The following HYOU1 variants were observed in gnomAD, a reference collection of about 807,000 sequenced individuals.
The protein encoded by HYOU1 is hypoxia up-regulated protein 1.
In HYOU1, 40 loss-of-function variants were observed where a neutral mutation model predicts 120.5. That is an observed-to-expected ratio of 0.33 (90% CI 0.26 to 0.43). HYOU1 has a LOEUF of 0.43. Ranked by LOEUF, HYOU1 falls within the 20% of genes least tolerant of loss-of-function variation. HYOU1 has a pLI of 1.00. For missense variants in HYOU1, 1,085 were observed against 1,278.3 expected, an observed-to-expected ratio of 0.85 and a Z score of 2.31; for synonymous variants, 501 against 479.4, an observed-to-expected ratio of 1.05 and a Z score of -0.59.
rs923127159 is a variant in HYOU1 at position 119,045,438 on chromosome 11, C to T, written c.*155G>A. 3.9e-6 allele frequency: 3 copies of T among 761,246 alleles called. No individual in the cohort carries two copies. The highest frequency in any genetic ancestry group is 1.7e-5 in the African/African-American group (1 of 58,996). The allele number at this position is 761,246 out of a possible 1,614,324, so 47.2% of individuals were successfully genotyped here. ...ACTGCAGAAGGAACCAGTGAGCTGT[C>T]CCTCCCTTCCCCTTCTCCACACCTC... On this transcript the variant is annotated 3_prime_UTR_variant, in exon 26 of 26. Coordinates refer to ENST00000617285, the MANE Select transcript of HYOU1 (RefSeq NM_006389.5).
Position 119,048,464 on chromosome 11 carries a change from C to T in HYOU1, c.2253+12G>A, listed in dbSNP as rs201071396. 3.5e-5 allele frequency: 56 copies of T among 1,613,784 alleles called. No homozygotes were observed. In the Admixed American group the frequency reaches 9.2e-4, roughly 26 times the overall value. On this transcript the variant is annotated intron_variant, in intron 19 of 25. Coordinates refer to ENST00000617285, the MANE Select transcript of HYOU1 (RefSeq NM_006389.5). The surrounding 1 kb of genome is among the most constrained non-coding windows in gnomAD (Gnocchi z 4.7). The stretch of plus-strand genomic sequence containing the variant: ...AGCCCAGTGGGGGGGCTGCTGCCTC[C>T]TGCCCACTGACCTGGGTCTCAAATA...
intron 8 of HYOU1, 57 bp downstream of exon 8, chr11:119,054,064 G>A (rs1162512457): frequency 9.1e-7 from 1 of 1,096,686 alleles, no homozygotes; most frequent in South Asian, 1.3e-5. Context: ...CCTCCAAGAA[G>A]AAACCCCTGA....
At chr11:119,046,937 G>T in intron 22 of HYOU1, 135 bp from the exon 23 acceptor site, 1 of 1,148,386 alleles carries the variant, frequency 8.7e-7, no homozygotes, top group Non-Finnish European at 1.2e-6. Context: ...TCAGCCCCAA[G>T]AGGCTAACAG....
At position 119,049,869 on chromosome 11, in the gene HYOU1, A is replaced by G. The variant is rs1253017526; in HGVS notation, c.1666-32T>C. On this transcript the variant is annotated intron_variant, in intron 14 of 25. Transcript: ENST00000617285. ...ACAGGTTCAAAATGAAAAAATACAC[A>G]GGCTAATCCACCTTTTCTCCACAAA... is the stretch of plus-strand genomic sequence containing the variant. 5 of 1,593,004 alleles carry G rather than the reference A, an allele frequency of 3.1e-6. No homozygotes were observed. The East Asian group carries it at 1.1e-4, about 36-fold the overall frequency.
At position 119,049,963 on chromosome 11, in the gene HYOU1, T is replaced by C. The variant is rs953992680; in HGVS notation, c.1666-126A>G. 6 of 853,934 alleles carry C rather than the reference T, an allele frequency of 7.0e-6. No homozygotes were observed. In the African/African-American group the frequency reaches 9.9e-5, roughly 14 times the overall value. 52.9% of individuals were successfully genotyped at this position (853,934 alleles called of 1,614,324 possible). ...CACAGGCCTAGTCTCTCACCTGCCT[T>C]TTCTAAGGACTTGGAGGTGGCTGCC... On this transcript the variant is annotated intron_variant, in intron 14 of 25. Transcript: ENST00000617285.
rs2133586762 is a variant in HYOU1, at chr11:119,051,647, G to A, written c.1339-22C>T. 5.0e-6 allele frequency: 8 copies of A among 1,613,032 alleles called. No individual in the cohort carries two copies. The Admixed American group carries it at 6.7e-5, about 13-fold the overall frequency. The stretch of plus-strand genomic sequence containing the variant: ...CCACCTACACAGCAGGCAGACAGAG[G>A]CACACTGTTGCACACTAGAGAACCC... On this transcript the variant is annotated intron_variant, in intron 12 of 25. Transcript: ENST00000617285. This position sits in a 1 kb window ranked among gnomAD's most constrained non-coding sequence, Gnocchi z 4.2.
At chr11:119,053,088 T>C (rs2133597596) in intron 8 of HYOU1, 90 of 417,668 alleles carry the variant, frequency 2.2e-4, no homozygotes, top group South Asian at 4.3e-4. Flanking sequence ...GGAATACAAA[T>C]GTGGCGGTGG....
intron 15 of HYOU1, 42 bp downstream of exon 15, chr11:119,049,735 C>A: frequency 6.2e-7 from 1 of 1,610,304 alleles, no homozygotes; most frequent in Non-Finnish European, 8.5e-7. Context: ...AACCTTCACA[C>A]AAGTATATTC....
rs782507932 is a variant in HYOU1 at position 119,045,151 on chromosome 11, C to A, written c.*442G>T. On this transcript the variant is annotated 3_prime_UTR_variant, in exon 26 of 26. Transcript: ENST00000617285. ...CCTGGTAACTGAGGCTCTGCAGACACTGGCCTGAAAGGATGCTCATCGCAT... is the reference window on the plus strand; with the variant it reads ...CCTGGTAACTGAGGCTCTGCAGACAATGGCCTGAAAGGATGCTCATCGCAT... The A allele has an allele frequency of 4.4e-6, 2 of 457,836 alleles. No homozygotes were observed. Among genetic ancestry groups the A allele is most frequent in the South Asian group, 3.1e-5 (2 of 64,552 alleles). 28.4% of individuals were successfully genotyped at this position (457,836 alleles called of 1,614,324 possible).
rs1377532141 is a variant in HYOU1 at position 119,056,535 on chromosome 11, C to T, written c.-7-368G>A. The T allele has an allele frequency of 1.8e-5, 7 of 378,516 alleles. No homozygotes were observed. In the East Asian group the frequency reaches 4.9e-4, roughly 26 times the overall value. The allele number at this position is 378,516 out of a possible 1,614,324, so 23.4% of individuals were successfully genotyped here. A position where few individuals can be genotyped will look rare whatever the true frequency, so the allele number is the denominator to read the frequency against. ...CTGGGGTGCGGCCAGGGATCCCCGC[C>T]CAGGGCTCAACCACCTCCCCACACC... On this transcript the variant is annotated intron_variant, in intron 1 of 25. Coordinates refer to ENST00000617285, the MANE Select transcript of HYOU1 (RefSeq NM_006389.5).
Position 119,044,759 on chromosome 11 carries a change from G to A in HYOU1, c.*834C>T, listed in dbSNP as rs907741063. ...AGAGAGGAGGAGGCAGGGAGTTACA[G>A]GAACCTGGGGTACCAGGCTGCTGGG... On this transcript the variant is annotated 3_prime_UTR_variant, in exon 26 of 26. Coordinates refer to ENST00000617285, the MANE Select transcript of HYOU1 (RefSeq NM_006389.5). 2.5e-5 allele frequency: 5 copies of A among 200,816 alleles called. No homozygotes were observed. Among genetic ancestry groups the A allele is most frequent in the African/African-American group, 6.8e-5 (3 of 43,876 alleles). 12.4% of individuals were successfully genotyped at this position (200,816 alleles called of 1,614,324 possible).
chr11:119,054,001 C>G, intron 8 of HYOU1, 120 bp downstream of exon 8: 1 of 644,334 alleles, frequency 1.6e-6, no homozygotes, highest in Non-Finnish European at 2.8e-6. Flanking sequence ...ATGACTGATG[C>G]CTCAATCAGG....
rs2133613936 is a variant in HYOU1, at chr11:119,055,520, T to C, written c.237A>G (p.Arg79=). Residue 79 remains arginine (R), a synonymous_variant, in exon 4 of 26, where the codon AGA becomes AGG. Transcript: ENST00000617285. The surrounding 1 kb of genome is among the most constrained non-coding windows in gnomAD (Gnocchi z 4.0). ...PVIVTLKENE[R]FFGDSAASMA... is the part of the protein sequence containing the mutation. ...TGCTTGCTGCACTGTCTCCAAAGAA[T>C]CTTTCATTTTCTTTCAGGGTCACGA... is the stretch of plus-strand genomic sequence containing the variant. 62 of 1,614,042 alleles carry C rather than the reference T, an allele frequency of 3.8e-5. No homozygotes were observed. The South Asian group carries it at 5.4e-4, about 14-fold the overall frequency.
chr11:119,047,854 G>GA (rs2133558955), intron 21 of HYOU1, 36 bp from the exon 22 acceptor site: 1 of 1,612,334 alleles, frequency 6.2e-7, no homozygotes, highest in South Asian at 1.1e-5. Flanking sequence ...GCCCCAGAGG[G>GA]AGAGGGGCCT....
chr11:119,054,394 G>T, intron 7 of HYOU1, 100 bp downstream of exon 7: 1 of 1,349,830 alleles, frequency 7.4e-7, no homozygotes, highest in Non-Finnish European at 1.0e-6. Context: ...TTTTGCCAAG[G>T]GTCAGCCCAG....
rs2133589392 is a variant in HYOU1 at position 119,051,982 on chromosome 11, A to G, written c.1206-31T>C. 1 of 1,613,470 alleles carries G rather than the reference A, an allele frequency of 6.2e-7. No individual in the cohort carries two copies. The highest frequency in any genetic ancestry group is 2.2e-5 in the East Asian group (1 of 44,846). ...AAAGCCCCAAGCCTCAGCACGGTCTACCCTGGAGCATGCAACCGGGACTTC... is the reference window on the plus strand; with the variant it reads ...AAAGCCCCAAGCCTCAGCACGGTCTGCCCTGGAGCATGCAACCGGGACTTC... On this transcript the variant is annotated intron_variant, in intron 11 of 25. Coordinates refer to ENST00000617285, the MANE Select transcript of HYOU1 (RefSeq NM_006389.5). The surrounding 1 kb of genome is among the most constrained non-coding windows in gnomAD (Gnocchi z 4.2).
At position 119,052,391 on chromosome 11, in the gene HYOU1, T is replaced by C. The variant is rs1944494693; in HGVS notation, c.1026A>G (p.Lys342=). ...ACTCCTCAAATTCCACACGAGTCACTTTTGCCTTGAAGTCCACATCATCCA... is the reference window on the plus strand; with the variant it reads ...ACTCCTCAAATTCCACACGAGTCACCTTTGCCTTGAAGTCCACATCATCCA... The part of the protein sequence containing the change: ...GLMDDVDFKA[K]VTRVEFEELC... Residue 342 remains lysine, a synonymous_variant, in exon 10 of 26, where the codon AAA becomes AAG. Coordinates refer to ENST00000617285, the MANE Select transcript of HYOU1 (RefSeq NM_006389.5). This position sits in a 1 kb window ranked among gnomAD's most constrained non-coding sequence, Gnocchi z 5.0. The C allele has an allele frequency of 1.9e-6, 3 of 1,614,036 alleles. No homozygotes were observed. Among genetic ancestry groups the C allele is most frequent in the Non-Finnish European group, 2.5e-6 (3 of 1,180,032 alleles).
intron 14 of HYOU1, among the ~76,000 whole-genome samples, chr11:119,050,154 G>A (rs1440654915): frequency 6.6e-6 from 1 of 152,222 alleles, no homozygotes; most frequent in Non-Finnish European, 1.5e-5. Flanking sequence ...GCTTATGCCT[G>A]TAATCTCAAC....
rs2133559674 is a variant in HYOU1 at position 119,047,944 on chromosome 11, C to T, written c.2510+3G>A. On this transcript the variant is annotated splice_donor_region_variant and intron_variant, in intron 21 of 25. Transcript: ENST00000617285. ...CTGCAAAAAGGGTTCAGGGGCTGCT[C>T]ACTTGAGGAACATGCTGGAATGGTT... 3.7e-6 allele frequency: 6 copies of T among 1,614,184 alleles called. No individual in the cohort carries two copies. Among genetic ancestry groups the T allele is most frequent in the Non-Finnish European group, 5.1e-6 (6 of 1,180,040 alleles).
Sources: gnomAD v4.1 joint callset for allele counts (sites outside exome capture counted in the v4.1 genomes callset) on GRCh38, gnomAD v4.1.1 for gene constraint, Gnocchi (gnomAD v3.1) non-coding constraint, MANE v1.5 for transcripts, NCBI Gene and HGNC (gene_info 2026-07-23, HGNC 2026-07-21) for gene names.